The following CECR2 variants were observed in gnomAD, a reference collection of about 807,000 sequenced individuals.
CECR2 encodes CECR2 histone acetyl-lysine reader.
A neutral mutation model predicts 154.5 loss-of-function variants in CECR2; 30 were observed. That is an observed-to-expected ratio of 0.19 (90% CI 0.15 to 0.26). The LOEUF (loss-of-function observed/expected upper bound fraction) is 0.26, where lower values mean the gene tolerates loss of function less well. Among genes scored for constraint, CECR2 ranks in the 10% least tolerant of loss-of-function variants. The probability of loss-of-function intolerance (pLI) is 1.00; values close to 1 mark genes in which losing one functional copy is unlikely to be tolerated. For synonymous variants in CECR2, 725 were observed against 683.7 expected, an observed-to-expected ratio of 1.06 and a Z score of -0.94; for missense variants, 1,743 against 1,829.3, an observed-to-expected ratio of 0.95 and a Z score of 0.86.
In CECR2 at chr22:17,495,564, C is replaced by T. The variant is rs543673362; in HGVS notation, c.222-1839C>T. The stretch of plus-strand genomic sequence containing the variant: ...AGCCTGGGCTACAAGAGCAAAACTC[C>T]ATTAAAAAAAAAAAAAAAACGGGTG... On this transcript the variant is annotated intron_variant, in intron 2 of 18. Coordinates refer to ENST00000262608, the MANE Select transcript of CECR2 (RefSeq NM_001290047.2). Among the ~76,000 whole-genome samples, 3 of 76,624 alleles carry T rather than the reference C, an allele frequency of 3.9e-5. No homozygotes were observed. The South Asian group carries it at 2.0e-3, about 51-fold the overall frequency. 50.3% of individuals were successfully genotyped at this position (76,624 alleles called of 152,430 possible). A position where few individuals can be genotyped will look rare whatever the true frequency, so the allele number is the denominator to read the frequency against.
chr22:17,536,367 C>T (rs1159417923), intron 9 of CECR2, among the ~76,000 whole-genome samples: 3 of 152,240 alleles, frequency 2.0e-5, no homozygotes, highest in Non-Finnish European at 4.4e-5. Flanking sequence ...TCTTTGGCCC[C>T]TACCTCCTTG....
chr22:17,532,172 AAGGAAGGGGTGGGT>A (rs1208538591), intron 9 of CECR2, among the ~76,000 whole-genome samples: 16 of 152,184 alleles, frequency 1.1e-4, no homozygotes, highest in Admixed American at 5.9e-4. Flanking sequence ...GTCTCAAAAA[AAGGAAGGGGTGGGT>A]AGTGGGTTGC....
chr22:17,447,502 T>C (rs1288367310), intron 1 of CECR2, among the ~76,000 whole-genome samples: 1 of 152,080 alleles, frequency 6.6e-6, no homozygotes, highest in African/African-American at 2.4e-5. Context: ...GCGTTTACAG[T>C]ACCACTGCAC....
chr22:17,529,561 G>C (rs997073564), intron 9 of CECR2, among the ~76,000 whole-genome samples: 2 of 151,782 alleles, frequency 1.3e-5, no homozygotes, highest in Non-Finnish European at 2.9e-5. Flanking sequence ...TTAGCCAGGC[G>C]TGGTGGCACA....
intron 8 of CECR2, among the ~76,000 whole-genome samples, chr22:17,515,609 C>T (rs879089290): frequency 1.3e-5 from 2 of 151,832 alleles, no homozygotes; most frequent in Non-Finnish European, 1.5e-5. Flanking sequence ...CAGATTTAAG[C>T]GTGTGAACAT....
At chr22:17,381,091 A>G (rs910426108) in intron 1 of CECR2, among the ~76,000 whole-genome samples, 2 of 100,554 alleles carry the variant, frequency 2.0e-5, no homozygotes, top group African/African-American at 8.0e-5. Flanking sequence ...ACATTGTTGT[A>G]CACGGGGGTG....
intron 8 of CECR2, among the ~76,000 whole-genome samples, chr22:17,521,535 A>C (rs2056157939): frequency 6.6e-6 from 1 of 152,060 alleles, no homozygotes; most frequent in South Asian, 2.1e-4. Flanking sequence ...AAAAAAAAAA[A>C]AAAGAGAGAG....
rs1397000408 is a variant in CECR2, at chr22:17,442,612, G to A, written c.127-34976G>A. 3.9e-5 allele frequency among the ~76,000 whole-genome samples: 6 copies of A among 152,006 alleles called. No individual in the cohort carries two copies. In the South Asian group the frequency reaches 8.3e-4, roughly 21 times the overall value. ...CGCCCAGGCTGGAGTGCAGTGGTGC[G>A]GTCTCAGCTCACTGCAGCCTCCACC... On this transcript the variant is annotated intron_variant, in intron 1 of 18. Coordinates refer to ENST00000262608, the MANE Select transcript of CECR2 (RefSeq NM_001290047.2).
intron 9 of CECR2, among the ~76,000 whole-genome samples, chr22:17,529,402 G>GT (rs2056317376): frequency 6.6e-6 from 1 of 152,018 alleles, no homozygotes; most frequent in Non-Finnish European, 1.5e-5. Flanking sequence ...TGCAGACCTT[G>GT]TTAGAAGGGT....
intron 1 of CECR2, among the ~76,000 whole-genome samples, chr22:17,449,599 C>G (rs542447618): frequency 8.0e-4 from 117 of 147,052 alleles, no homozygotes; most frequent in African/African-American, 2.8e-3. Context: ...ACGCCATTCT[C>G]CTGCCTCAGC....
intron 1 of CECR2, among the ~76,000 whole-genome samples, chr22:17,410,648 A>G (rs1009491234): frequency 1.3e-5 from 2 of 151,978 alleles, no homozygotes; most frequent in East Asian, 1.9e-4. Context: ...GGGTTTCACT[A>G]TGTTGGCCAG....
intron 1 of CECR2, among the ~76,000 whole-genome samples, chr22:17,449,610 T>C (rs989977378): frequency 1.3e-5 from 2 of 148,976 alleles, no homozygotes; most frequent in African/African-American, 4.9e-5. Flanking sequence ...CTGCCTCAGC[T>C]TCCCGAGTAG....
chr22:17,457,845 A>G (rs1569094879), intron 1 of CECR2, among the ~76,000 whole-genome samples: 1 of 152,254 alleles, frequency 6.6e-6, no homozygotes. Flanking sequence ...GTATTGATTC[A>G]TGCAAAAACT....
Position 17,549,183 on chromosome 22 carries a change from T to C in CECR2, c.3896T>C (p.Leu1299Pro). The change falls in exon 17 of 19, where the codon CTG becomes CCG. Residue 1299 changes from leucine to proline, a missense_variant. This residue lies in a region of CECR2 where 1,250 missense variants were observed against 1,192.1 expected (regional missense o/e 1.05). Transcript: ENST00000262608. ...RPESPKEFLDLDNHNAATKRQ... is the reference protein window; with the variant it reads ...RPESPKEFLDPDNHNAATKRQ... Reference sequence around the variant, plus strand: ...GAGAGTCCCAAAGAATTTTTAGACCTGGACAACCATAACGCAGCTACCAAG... The same window carrying C: ...GAGAGTCCCAAAGAATTTTTAGACCCGGACAACCATAACGCAGCTACCAAG... The C allele has an allele frequency of 6.2e-7, 1 of 1,614,016 alleles. No individual in the cohort carries two copies. Among genetic ancestry groups the C allele is most frequent in the Non-Finnish European group, 8.5e-7 (1 of 1,179,888 alleles).
chr22:17,543,293 C>T (rs371525795), intron 16 of CECR2, among the ~76,000 whole-genome samples: 4 of 152,022 alleles, frequency 2.6e-5, no homozygotes, highest in Admixed American at 2.6e-4. Flanking sequence ...CCACCACGCC[C>T]GGCTAATTTT....
At chr22:17,395,890 A>G (rs1028857160) in intron 1 of CECR2, among the ~76,000 whole-genome samples, 3 of 152,180 alleles carry the variant, frequency 2.0e-5, no homozygotes, top group Admixed American at 6.5e-5. Flanking sequence ...TAAAAGTATC[A>G]TGAATATTCT....
intron 1 of CECR2, among the ~76,000 whole-genome samples, chr22:17,379,581 G>GGTGT (rs60634016): frequency 0.16 from 22,665 of 137,704 alleles, 1,894 homozygotes; most frequent in Admixed American, 0.2. Flanking sequence ...CTACGTTGAA[G>GGTGT]GTGTGTGTGT....
chr22:17,471,630 G>C (rs189714636), intron 1 of CECR2, among the ~76,000 whole-genome samples: 8 of 152,012 alleles, frequency 5.3e-5, no homozygotes, highest in African/African-American at 1.9e-4. Context: ...CTGCCTCCCG[G>C]GTTCAGGCGA....
chr22:17,486,400 G>C (rs978973031), intron 2 of CECR2, among the ~76,000 whole-genome samples: 1 of 152,200 alleles, frequency 6.6e-6, no homozygotes, highest in Middle Eastern at 3.2e-3. Context: ...GCTGGACTCC[G>C]AGGAGGCCCC....
Sources: gnomAD v4.1 joint callset for allele counts (sites outside exome capture counted in the v4.1 genomes callset) on GRCh38, gnomAD v4.1.1 for gene constraint, gnomAD v4.1.1 regional missense constraint, MANE v1.5 for transcripts, NCBI Gene and HGNC (gene_info 2026-07-23, HGNC 2026-07-21) for gene names.